The following MCPH1 variants were observed in gnomAD, a reference collection of about 807,000 sequenced individuals.
The protein encoded by MCPH1 is microcephalin 1, also known as microcephalin.
A neutral mutation model predicts 84.5 loss-of-function variants in MCPH1; 104 were observed. The observed-to-expected ratio is 1.23, with a 90% CI of 1.05 to 1.45. The LOEUF (loss-of-function observed/expected upper bound fraction) is 1.45, where lower values mean the gene tolerates loss of function less well. MCPH1 is among the 40% of genes most tolerant of loss of function. The pLI is 0.00. For missense variants in MCPH1, 1,498 were observed against 1,005.7 expected (o/e 1.49, Z -6.62); for synonymous variants, 514 against 366.8 (o/e 1.40, Z -4.58).
chr8:6,417,450 C>T (rs1035664236), intron 3 of MCPH1, among the ~76,000 whole-genome samples: 1 of 152,206 alleles, frequency 6.6e-6, no homozygotes, highest in African/African-American at 2.4e-5. Flanking sequence ...CCAATCCTTT[C>T]TGTGTAATAC....
chr8:6,422,826 C>A (rs1333971830), intron 3 of MCPH1, among the ~76,000 whole-genome samples: 1 of 152,062 alleles, frequency 6.6e-6, no homozygotes, highest in African/African-American at 2.4e-5. Context: ...GTAGCTGGGA[C>A]TACCGGAGCC....
intron 9 of MCPH1, chr8:6,473,809 C>T: frequency 8.4e-7 from 1 of 1,192,278 alleles, no homozygotes; most frequent in African/African-American, 1.5e-5. Flanking sequence ...GAGATATCAG[C>T]AAGAGTGATT....
chr8:6,446,670 G>A, intron 8 of MCPH1: 2 of 984,500 alleles, frequency 2.0e-6, no homozygotes, highest in Non-Finnish European at 2.4e-6. Context: ...TTCTTTGGTA[G>A]TTAAGAATAT....
At chr8:6,507,401 T>C (rs2515409) in intron 12 of MCPH1, among the ~76,000 whole-genome samples, 28,545 of 152,098 alleles carry the variant, frequency 0.19, 3,571 homozygotes, top group African/African-American at 0.36. Flanking sequence ...TTACATTCAT[T>C]TTGCACTATT....
chr8:6,436,160 T>G lies in MCPH1; in HGVS notation c.434T>G (p.Leu145Arg). Residue 145 changes from leucine (L) to arginine (R), a missense_variant and splice_region_variant, in exon 5 of 14, where the codon CTA (leucine) becomes CGA (arginine). Leu to Arg is a moderately radical substitution (Grantham distance 102). Coordinates refer to ENST00000344683, the MANE Select transcript of MCPH1 (RefSeq NM_024596.5). ...AKELQRQKTN[L>R]DDDVPILLFE... ...GAGCTACAAAGGCAAAAAACAAATC[T>G]AGGTAAGCTAAGAAATATAATACAG... The G allele has an allele frequency of 6.2e-7, 1 of 1,612,826 alleles. No individual in the cohort carries two copies. Among genetic ancestry groups the G allele is most frequent in the Non-Finnish European group, 8.5e-7 (1 of 1,179,516 alleles).
At chr8:6,506,645 C>T (rs1449375223) in intron 12 of MCPH1, among the ~76,000 whole-genome samples, 1 of 152,086 alleles carries the variant, frequency 6.6e-6, no homozygotes, top group South Asian at 2.1e-4. Flanking sequence ...GATGATTGTG[C>T]CAGGATGAAG....
chr8:6,638,244 A>G (rs1466466272), intron 13 of MCPH1, among the ~76,000 whole-genome samples: 1 of 152,202 alleles, frequency 6.6e-6, no homozygotes, highest in African/African-American at 2.4e-5. Flanking sequence ...CCACCGTCCC[A>G]CAGTGAGGGA....
rs941362288 is a variant in MCPH1 at position 6,426,615 on chromosome 8, A to T, written c.234-4884A>T. Among the ~76,000 whole-genome samples, 7 of 152,210 alleles carry T rather than the reference A, an allele frequency of 4.6e-5. No homozygotes were observed. The South Asian group carries it at 1.0e-3, about 22-fold the overall frequency. On this transcript the variant is annotated intron_variant, in intron 3 of 13. Transcript: ENST00000344683. ...TTGGGCTAGTTTGCCATTTTAGGTTATTATGAATAAAGTTACAATGGACAT... is the reference window on the plus strand; with the variant it reads ...TTGGGCTAGTTTGCCATTTTAGGTTTTTATGAATAAAGTTACAATGGACAT...
chr8:6,527,899 A>ATTTTTTTTT (rs71213313), intron 12 of MCPH1, among the ~76,000 whole-genome samples: 1 of 133,150 alleles, frequency 7.5e-6, no homozygotes, highest in Admixed American at 7.7e-5. Context: ...CCACGTCTCT[A>ATTTTTTTTT]TTTTTTTTTT....
chr8:6,438,704 C>G (rs1404390778), intron 5 of MCPH1, among the ~76,000 whole-genome samples: 1 of 152,154 alleles, frequency 6.6e-6, no homozygotes, highest in East Asian at 1.9e-4. Context: ...GTTGGATGCA[C>G]TAATGCATAT....
intron 13 of MCPH1, among the ~76,000 whole-genome samples, chr8:6,633,863 C>T (rs1797342171): frequency 6.6e-6 from 1 of 152,138 alleles, no homozygotes; most frequent in Admixed American, 6.5e-5. Context: ...GCCTGCAGAT[C>T]CCCCTATGTG....
At chr8:6,411,718 T>A (rs994030991) in intron 2 of MCPH1, among the ~76,000 whole-genome samples, 1 of 152,338 alleles carries the variant, frequency 6.6e-6, no homozygotes, top group South Asian at 2.1e-4. Context: ...TGTTAATCTG[T>A]GCCTAATTTG....
At chr8:6,423,242 T>G (rs1156662182) in intron 3 of MCPH1, among the ~76,000 whole-genome samples, 2 of 140,610 alleles carry the variant, frequency 1.4e-5, no homozygotes, top group Non-Finnish European at 3.0e-5. Context: ...CAGGCTGGAG[T>G]GCAGTGGTGC....
intron 12 of MCPH1, among the ~76,000 whole-genome samples, chr8:6,523,272 C>G (rs949211448): frequency 6.6e-6 from 1 of 152,120 alleles, no homozygotes; most frequent in Non-Finnish European, 1.5e-5. Context: ...GCTGGGATTA[C>G]AGGCATGAGC....
chr8:6,410,233 C>A (rs1447825939), intron 2 of MCPH1, among the ~76,000 whole-genome samples: 1 of 151,834 alleles, frequency 6.6e-6, no homozygotes, highest in African/African-American at 2.4e-5. Flanking sequence ...CTCGGCCTCC[C>A]AAAGTGCTGG....
chr8:6,477,315 G>A (rs988356925), intron 9 of MCPH1: 7 of 416,870 alleles, frequency 1.7e-5, no homozygotes, highest in Admixed American at 4.1e-5. Flanking sequence ...GAGGTCTGCT[G>A]GCTAACTGGT....
At chr8:6,461,380 C>T (rs552219218) in intron 9 of MCPH1, among the ~76,000 whole-genome samples, 1 of 133,458 alleles carries the variant, frequency 7.5e-6, no homozygotes, top group East Asian at 2.3e-4. Context: ...GGCTGAAGTG[C>T]AGTGGCCCAG....
At chr8:6,531,081 A>G (rs932951892) in intron 12 of MCPH1, among the ~76,000 whole-genome samples, 1 of 152,200 alleles carries the variant, frequency 6.6e-6, no homozygotes, top group South Asian at 2.1e-4. Context: ...ATGAGGAGTC[A>G]GAAAGCGGGC....
chr8:6,497,864 A>G (rs1811434808), intron 11 of MCPH1, among the ~76,000 whole-genome samples: 1 of 152,246 alleles, frequency 6.6e-6, no homozygotes, highest in Admixed American at 6.5e-5. Context: ...ATTTGAACAT[A>G]GGTACATTAA....
Sources: allele counts gnomAD v4.1 joint callset (sites outside exome capture counted in the v4.1 genomes callset), GRCh38; gene constraint gnomAD v4.1.1; transcripts MANE v1.5; gene names NCBI Gene and HGNC (gene_info 2026-07-23, HGNC 2026-07-21).